Variants in ABCC4 observed in about 807,000 individuals in gnomAD.
ABCC4 encodes ATP binding cassette subfamily C member 4 (PEL blood group), also known as ATP-binding cassette sub-family C member 4.
In ABCC4, 102 loss-of-function variants were observed where a neutral mutation model predicts 168.5. The observed-to-expected ratio is 0.61, with a 90% CI of 0.52 to 0.71. The LOEUF is 0.71. ABCC4 is among the 30% of genes least tolerant of loss of function. ABCC4 has a pLI of 0.00. For missense variants in ABCC4, 1,402 were observed against 1,605.8 expected, an observed-to-expected ratio of 0.87 and a Z score of 2.17; for synonymous variants, 617 against 590.7, an observed-to-expected ratio of 1.04 and a Z score of -0.65.
chr13:95,026,899 A>C lies in ABCC4; in HGVS notation c.3871-5217T>G, dbSNP rs970888945. Among the ~76,000 whole-genome samples, 7 of 151,820 alleles carry C rather than the reference A, an allele frequency of 4.6e-5. No homozygotes were observed. In the East Asian group the frequency reaches 1.4e-3, roughly 29 times the overall value. On this transcript the variant is annotated intron_variant, in intron 30 of 30. Transcript: ENST00000645237. ...GCAAGACCCTGTCTCAAAAAAAAAA[A>C]AGAAAAAGAAAGAAAGAAAGAAAAA...
intron 3 of ABCC4, among the ~76,000 whole-genome samples, chr13:95,240,362 T>A (rs915370082): frequency 2.0e-5 from 3 of 151,940 alleles, no homozygotes; most frequent in African/African-American, 7.3e-5. Context: ...TGAAACCCCA[T>A]CTCTACTAAA....
chr13:95,064,260 G>GTGTATATATA (rs1269029410), intron 25 of ABCC4, among the ~76,000 whole-genome samples: 7 of 21,496 alleles, frequency 3.3e-4, no homozygotes, highest in East Asian at 1.4e-3. Flanking sequence ...GTGTGTGTGT[G>GTGTATATATA]TATATATATA....
intron 1 of ABCC4, among the ~76,000 whole-genome samples, chr13:95,291,761 A>T (rs2041410881): frequency 6.6e-6 from 1 of 152,192 alleles, no homozygotes; most frequent in Admixed American, 6.5e-5. Context: ...CACATTGGCC[A>T]ACATGATGAA....
At chr13:95,247,281 A>G (rs1397334574) in intron 2 of ABCC4, among the ~76,000 whole-genome samples, 186 bp from the exon 3 acceptor site, 1 of 152,208 alleles carries the variant, frequency 6.6e-6, no homozygotes. Context: ...TCAGAAAAAC[A>G]GGCCTTGAGG....
chr13:95,164,040 C>CAAAAAAAAAAAAAAAAAAA (rs764381643), intron 16 of ABCC4, among the ~76,000 whole-genome samples: 2 of 74,726 alleles, frequency 2.7e-5, no homozygotes, highest in African/African-American at 4.2e-5. Flanking sequence ...AACTCCATCT[C>CAAAAAAAAAAAAAAAAAAA]AAAAAAAAAA....
chr13:95,165,066 G>A (rs1566481733), intron 15 of ABCC4, among the ~76,000 whole-genome samples: 1 of 152,104 alleles, frequency 6.6e-6, no homozygotes, highest in Non-Finnish European at 1.5e-5. Flanking sequence ...AATATCATTT[G>A]GACATTGTGG....
chr13:95,263,441 T>C (rs2040587028), intron 1 of ABCC4, among the ~76,000 whole-genome samples: 2 of 152,148 alleles, frequency 1.3e-5, no homozygotes, highest in South Asian at 4.1e-4. Context: ...CACACAAATA[T>C]ATAAATAATA....
chr13:95,221,295 C>G (rs974141344), intron 4 of ABCC4, among the ~76,000 whole-genome samples: 2 of 152,168 alleles, frequency 1.3e-5, no homozygotes, highest in African/African-American at 4.8e-5. Flanking sequence ...GTGGCACAAT[C>G]ATGGCTCACT....
chr13:95,067,060 G>A (rs1566387558), intron 25 of ABCC4, among the ~76,000 whole-genome samples: 1 of 152,160 alleles, frequency 6.6e-6, no homozygotes, highest in Non-Finnish European at 1.5e-5. Flanking sequence ...GTTGGACATG[G>A]GGCAACTGGG....
intron 1 of ABCC4, among the ~76,000 whole-genome samples, chr13:95,300,814 C>A (rs1299063176): frequency 6.6e-6 from 1 of 152,226 alleles, no homozygotes; most frequent in African/African-American, 2.4e-5. Flanking sequence ...CGTTTGAGTT[C>A]AGGAGACTGC....
At chr13:95,160,441 A>C (rs563875292) in intron 19 of ABCC4, among the ~76,000 whole-genome samples, 1 of 152,312 alleles carries the variant, frequency 6.6e-6, no homozygotes, top group South Asian at 2.1e-4. Flanking sequence ...TAGCCTCAGA[A>C]GCAGGACAGA....
At chr13:95,216,784 G>A (rs1594317112) in intron 4 of ABCC4, among the ~76,000 whole-genome samples, 1 of 152,062 alleles carries the variant, frequency 6.6e-6, no homozygotes, top group Non-Finnish European at 1.5e-5. Flanking sequence ...GGACTTGTAG[G>A]GAGCTCTCTC....
intron 20 of ABCC4, among the ~76,000 whole-genome samples, chr13:95,106,734 T>C (rs1213487887): frequency 6.7e-6 from 1 of 148,830 alleles, no homozygotes; most frequent in Admixed American, 6.8e-5. Context: ...GTACAGGAAA[T>C]GAGGCAGTGA....
intron 20 of ABCC4, among the ~76,000 whole-genome samples, chr13:95,085,467 AAG>A (rs2034226476): frequency 6.6e-6 from 1 of 152,170 alleles, no homozygotes; most frequent in South Asian, 2.1e-4. Context: ...AACAAACAAA[AAG>A]AAATATAAGG....
chr13:95,153,895 G>T (rs1005333028), intron 19 of ABCC4, among the ~76,000 whole-genome samples: 1 of 152,144 alleles, frequency 6.6e-6, no homozygotes, highest in Non-Finnish European at 1.5e-5. Flanking sequence ...AGGCTTTTAT[G>T]ATACTATTAG....
intron 20 of ABCC4, chr13:95,096,044 T>A (rs2139360722): frequency 2.4e-6 from 1 of 419,242 alleles, no homozygotes; most frequent in South Asian, 7.9e-5. Flanking sequence ...AAATTGAATA[T>A]CAAAAAAACA....
chr13:95,060,634 T>C (rs1594028449), intron 26 of ABCC4, among the ~76,000 whole-genome samples: 1 of 152,370 alleles, frequency 6.6e-6, no homozygotes, highest in East Asian at 1.9e-4. Context: ...CACTAAGTCA[T>C]GCTTCTAATA....
At chr13:95,208,043 A>G in intron 6 of ABCC4, 118 bp from the exon 7 acceptor site, 2 of 1,062,962 alleles carry the variant, frequency 1.9e-6, no homozygotes, top group Non-Finnish European at 2.7e-6. Flanking sequence ...GCTTCCGACA[A>G]CACAGACAGG....
chr13:95,261,775 A>G (rs1458601280), intron 1 of ABCC4, among the ~76,000 whole-genome samples: 1 of 152,170 alleles, frequency 6.6e-6, no homozygotes, highest in East Asian at 1.9e-4. Context: ...GCATTACTAT[A>G]TTCTAATGAT....
Sources: gnomAD v4.1 joint callset for allele counts (sites outside exome capture counted in the v4.1 genomes callset) on GRCh38, gnomAD v4.1.1 for gene constraint, MANE v1.5 for transcripts, NCBI Gene and HGNC (gene_info 2026-07-23, HGNC 2026-07-21) for gene names.